SAMMSON: variants seen among roughly 807,000 people sequenced by gnomAD.
SAMMSON encodes survival associated mitochondrial melanoma specific oncogenic non-coding RNA.
chr3:70,073,877 T>C (rs1426291937), intron 4 of SAMMSON, among the ~76,000 whole-genome samples: 2 of 152,060 alleles, frequency 1.3e-5, no homozygotes, highest in Non-Finnish European at 2.9e-5. Context: ...ATCTGTGTCT[T>C]CTTTTATTAA....
chr3:70,387,353 A>G (rs767301371), intron 9 of SAMMSON, among the ~76,000 whole-genome samples: 4 of 152,078 alleles, frequency 2.6e-5, no homozygotes, highest in Non-Finnish European at 5.9e-5. Flanking sequence ...CTCTTCTGAT[A>G]TCATTTTTTA....
At chr3:70,130,961 A>T (rs2067480147) in intron 4 of SAMMSON, among the ~76,000 whole-genome samples, 2 of 152,116 alleles carry the variant, frequency 1.3e-5, no homozygotes, top group Admixed American at 6.5e-5. Flanking sequence ...AGGTTTTGGG[A>T]TAGTTTATTA....
intron 3 of SAMMSON, among the ~76,000 whole-genome samples, chr3:70,029,044 C>CT (rs1158427668): frequency 1.3e-5 from 2 of 152,142 alleles, no homozygotes; most frequent in Non-Finnish European, 2.9e-5. Context: ...TGTCCATGAG[C>CT]TAAACCATTA....
chr3:70,151,821 A>G (rs1196161553), intron 4 of SAMMSON, among the ~76,000 whole-genome samples: 7 of 151,996 alleles, frequency 4.6e-5, no homozygotes, highest in African/African-American at 1.4e-4. Context: ...ATGAAGCTCT[A>G]GAATTTTTGA....
chr3:70,379,459 C>T (rs976102359), intron 9 of SAMMSON, among the ~76,000 whole-genome samples: 10 of 152,090 alleles, frequency 6.6e-5, no homozygotes, highest in Admixed American at 3.3e-4. Flanking sequence ...GAAAAGGAAG[C>T]AGGATTGGGC....
At chr3:70,403,318 A>G (rs996393460) in intron 2 of SAMMSON, among the ~76,000 whole-genome samples, 3 of 152,182 alleles carry the variant, frequency 2.0e-5, no homozygotes, top group Admixed American at 6.5e-5. Flanking sequence ...ACCCAAAGCC[A>G]GGGGATAGGG....
chr3:70,024,260 A>G (rs921983561), intron 3 of SAMMSON, among the ~76,000 whole-genome samples: 2 of 152,172 alleles, frequency 1.3e-5, no homozygotes, highest in African/African-American at 2.4e-5. Flanking sequence ...CTGATATACG[A>G]TGATAAAAGC....
intron 7 of SAMMSON, among the ~76,000 whole-genome samples, chr3:70,309,934 CAATT>C (rs1373735384): frequency 4.6e-5 from 7 of 152,034 alleles, no homozygotes; most frequent in African/African-American, 7.2e-5. Flanking sequence ...CTTTAGGAAA[CAATT>C]GATTGGCCTA....
chr3:70,213,113 T>C (rs1415234376), intron 4 of SAMMSON, among the ~76,000 whole-genome samples: 1 of 152,030 alleles, frequency 6.6e-6, no homozygotes, highest in Non-Finnish European at 1.5e-5. Context: ...CTGGCCTTCA[T>C]TCTCTCTCCC....
chr3:70,411,590 T>A (rs1370299768), intron 2 of SAMMSON, among the ~76,000 whole-genome samples: 3 of 152,186 alleles, frequency 2.0e-5, no homozygotes, highest in Non-Finnish European at 4.4e-5. Context: ...GCTCCCATGA[T>A]CCCTATGTGT....
At chr3:70,118,995 A>G (rs572146603) in intron 4 of SAMMSON, among the ~76,000 whole-genome samples, 4 of 151,588 alleles carry the variant, frequency 2.6e-5, no homozygotes, top group African/African-American at 7.3e-5. Context: ...TTTTCTGTGC[A>G]CTCTTTCCTA....
intron 4 of SAMMSON, among the ~76,000 whole-genome samples, chr3:70,236,489 C>A (rs1303734782): frequency 6.6e-6 from 1 of 152,140 alleles, no homozygotes; most frequent in Non-Finnish European, 1.5e-5. Context: ...AATGTGTAAG[C>A]CTTCATGTAT....
rs146267643 is a variant in SAMMSON, at chr3:70,384,317, C to G, written n.914-5257C>G. 7.9e-3 allele frequency among the ~76,000 whole-genome samples: 1,193 copies of G among 151,844 alleles called. 8 individuals carry two copies. Among genetic ancestry groups the G allele is most frequent in the Non-Finnish European group, 0.01 (701 of 67,914 alleles). On this transcript the variant is annotated intron_variant and non_coding_transcript_variant, in intron 9 of 9. Coordinates refer to ENST00000642114, the Ensembl canonical transcript of SAMMSON. ...AGGTGACCACTGCACATTTTAAAAC[C>G]TCCTGAAAAAGAAAATCAAATGATA...
intron 4 of SAMMSON, among the ~76,000 whole-genome samples, chr3:70,189,205 G>T (rs560914231): frequency 5.3e-5 from 8 of 152,126 alleles, no homozygotes; most frequent in Non-Finnish European, 1.2e-4. Context: ...AAAGCCAGGA[G>T]AATTGACAGG....
chr3:70,109,270 G>A (rs2067379229), intron 4 of SAMMSON, among the ~76,000 whole-genome samples: 1 of 151,952 alleles, frequency 6.6e-6, no homozygotes, highest in African/African-American at 2.4e-5. Flanking sequence ...CCCGGTAATT[G>A]ATTGACCATT....
At chr3:70,422,289 A>G (rs940449668) in intron 2 of SAMMSON, among the ~76,000 whole-genome samples, 2 of 152,098 alleles carry the variant, frequency 1.3e-5, no homozygotes, top group African/African-American at 4.8e-5. Context: ...TTCACCTCTA[A>G]CAAAGAGTTG....
At chr3:70,377,151 C>T (rs1032199933) in intron 9 of SAMMSON, among the ~76,000 whole-genome samples, 8 of 151,708 alleles carry the variant, frequency 5.3e-5, no homozygotes, top group Admixed American at 3.9e-4. Context: ...ATTTAAAAGG[C>T]GAAATAATCT....
chr3:70,214,988 T>C lies in SAMMSON; in HGVS notation n.508-34119T>C, dbSNP rs536042474. ...GCCAATCAGGCTATAAACTCATGCATGATTGGTATTACATATACAGTCAAT... is the reference window on the plus strand; with the variant it reads ...GCCAATCAGGCTATAAACTCATGCACGATTGGTATTACATATACAGTCAAT... On this transcript the variant is annotated intron_variant and non_coding_transcript_variant, in intron 4 of 9. Coordinates refer to ENST00000642114, the Ensembl canonical transcript of SAMMSON. Among the ~76,000 whole-genome samples the C allele has an allele frequency of 5.7e-4, 87 of 152,280 alleles. 1 individual carries two copies. In the Middle Eastern group the frequency reaches 0.01, roughly 18 times the overall value.
intron 3 of SAMMSON, among the ~76,000 whole-genome samples, chr3:70,067,768 G>C (rs577248886): frequency 7.2e-4 from 109 of 152,162 alleles, no homozygotes; most frequent in Non-Finnish European, 9.7e-4. Flanking sequence ...CACCTGCAAA[G>C]AATTTTCATG....
Sources: gnomAD v4.1 joint callset for allele counts (sites outside exome capture counted in the v4.1 genomes callset) on GRCh38, gnomAD v4.1.1 for gene constraint, MANE v1.5 for transcripts, NCBI Gene and HGNC (gene_info 2026-07-23, HGNC 2026-07-21) for gene names.